The following CREB5 variants were observed in gnomAD, a reference collection of about 807,000 sequenced individuals.
CREB5 encodes the protein cyclic AMP-responsive element-binding protein 5.
In CREB5, 19 loss-of-function variants were observed where a neutral mutation model predicts 57.1. That is an observed-to-expected ratio of 0.33 (90% CI 0.23 to 0.49). The LOEUF (loss-of-function observed/expected upper bound fraction) is 0.49, where lower values mean the gene tolerates loss of function less well. CREB5 is among the 20% of genes least tolerant of loss of function. The probability of loss-of-function intolerance (pLI) is 0.99; values close to 1 mark genes in which losing one functional copy is unlikely to be tolerated. For missense variants in CREB5, 579 were observed against 671.6 expected, an observed-to-expected ratio of 0.86 and a Z score of 1.52; for synonymous variants, 238 against 238.3, an observed-to-expected ratio of 1.00 and a Z score of 0.01.
At chr7:28,684,366 T>A (rs1335485649) in intron 5 of CREB5, among the ~76,000 whole-genome samples, 4 of 152,224 alleles carry the variant, frequency 2.6e-5, no homozygotes, top group Non-Finnish European at 4.4e-5. Flanking sequence ...CACTCGGAGC[T>A]ACTGTGGCAT....
rs56273634 is a variant in CREB5, at chr7:28,299,324, C to T, written c.-142C>T. ...TTTTTAAGTTTGTCTTATTTTTGAT[C>T]TGATGAATCCAAGGAGTGGAGCAAG... On this transcript the variant is annotated 5_prime_UTR_variant, in exon 1 of 10. Transcript: ENST00000396299. 5.3e-5 allele frequency: 8 copies of T among 152,248 alleles called. No homozygotes were observed. The South Asian group carries it at 6.2e-4, about 12-fold the overall frequency. The allele number at this position is 152,248 out of a possible 1,614,324, so 9.4% of individuals were successfully genotyped here.
intron 1 of CREB5, among the ~76,000 whole-genome samples, chr7:28,420,130 C>T (rs1217225832): frequency 6.6e-6 from 1 of 150,970 alleles, no homozygotes; most frequent in Non-Finnish European, 1.5e-5. Context: ...GCTTTGGAAG[C>T]ACTTACAAAA....
At chr7:28,399,127 G>A (rs757059928) in intron 1 of CREB5, among the ~76,000 whole-genome samples, 31 of 152,124 alleles carry the variant, frequency 2.0e-4, no homozygotes, top group Non-Finnish European at 3.5e-4. Context: ...CAGGTAAGAT[G>A]TAACAGAGAG....
chr7:28,772,461 A>G (rs901375646), intron 7 of CREB5, among the ~76,000 whole-genome samples: 6 of 152,174 alleles, frequency 3.9e-5, no homozygotes, highest in Non-Finnish European at 7.4e-5. Context: ...TGTTTGTTTT[A>G]GGTGAAGCAG....
intron 4 of CREB5, among the ~76,000 whole-genome samples, chr7:28,544,574 GT>G (rs934596698): frequency 1.1e-4 from 16 of 151,920 alleles, no homozygotes; most frequent in African/African-American, 3.9e-4. Context: ...TTGCAATATG[GT>G]TTTTTTTAAG....
intron 1 of CREB5, among the ~76,000 whole-genome samples, chr7:28,358,442 G>C (rs1244993935): frequency 6.6e-6 from 1 of 152,184 alleles, no homozygotes. Context: ...TCAGCATCAG[G>C]ACCATTAGTG....
chr7:28,792,445 A>C (rs566323585), intron 7 of CREB5, among the ~76,000 whole-genome samples: 1 of 152,336 alleles, frequency 6.6e-6, no homozygotes, highest in African/African-American at 2.4e-5. Flanking sequence ...TTAACAATGT[A>C]GTTGAGAACC....
At chr7:28,556,111 T>C (rs1013400634) in intron 4 of CREB5, among the ~76,000 whole-genome samples, 1 of 152,104 alleles carries the variant, frequency 6.6e-6, no homozygotes, top group Non-Finnish European at 1.5e-5. Context: ...CTGTCTTAGG[T>C]AGAGAAATGC....
At chr7:28,792,728 G>C (rs1384939994) in intron 7 of CREB5, among the ~76,000 whole-genome samples, 1 of 152,186 alleles carries the variant, frequency 6.6e-6, no homozygotes, top group Non-Finnish European at 1.5e-5. Context: ...TGGCTTACCT[G>C]AAATACTGAA....
chr7:28,718,633 T>C, intron 5 of CREB5, 120 bp from the exon 6 acceptor site: 1 of 1,325,640 alleles, frequency 7.5e-7, no homozygotes, highest in Middle Eastern at 1.9e-4. Context: ...TATGTGACTC[T>C]CCCATCAGTG....
chr7:28,499,176 G>GAAAA (rs34378552), intron 3 of CREB5, among the ~76,000 whole-genome samples: 10 of 126,232 alleles, frequency 7.9e-5, no homozygotes, highest in Non-Finnish European at 1.3e-4. Flanking sequence ...TTCTGTGCAG[G>GAAAA]AAAAAAAAAA....
chr7:28,591,351 A>T (rs1796507678), intron 5 of CREB5, among the ~76,000 whole-genome samples: 1 of 152,146 alleles, frequency 6.6e-6, no homozygotes, highest in Non-Finnish European at 1.5e-5. Flanking sequence ...CCTCCATATT[A>T]AATCAGCCAC....
chr7:28,648,373 G>A (rs1161615483), intron 5 of CREB5, among the ~76,000 whole-genome samples: 1 of 152,150 alleles, frequency 6.6e-6, no homozygotes, highest in African/African-American at 2.4e-5. Context: ...ATAAATATGG[G>A]TGTAAGACAA....
At chr7:28,309,954 G>A (rs1785247083) in intron 1 of CREB5, among the ~76,000 whole-genome samples, 1 of 146,022 alleles carries the variant, frequency 6.8e-6, no homozygotes, top group African/African-American at 2.6e-5. Context: ...TCAAAACAAG[G>A]GCTAAGTGGG....
rs139217428 is a variant in CREB5 at position 28,596,355 on chromosome 7, C to A, written c.464+25818C>A. Among the ~76,000 whole-genome samples, 337 of 152,312 alleles carry A rather than the reference C, an allele frequency of 2.2e-3. 4 individuals carry two copies. Among genetic ancestry groups the A allele is most frequent in the African/African-American group, 7.0e-3 (289 of 41,572 alleles). On this transcript the variant is annotated intron_variant, in intron 5 of 10. Coordinates refer to ENST00000357727, the MANE Select transcript of CREB5 (RefSeq NM_182898.4). Reference sequence around the variant, plus strand: ...GCCAACTACCCTGGATATCTCAGAACTGAATTTCTTGCATTGCATTGCATT... The same window carrying A: ...GCCAACTACCCTGGATATCTCAGAAATGAATTTCTTGCATTGCATTGCATT...
chr7:28,392,358 T>C (rs906993412), intron 1 of CREB5, among the ~76,000 whole-genome samples: 3 of 152,216 alleles, frequency 2.0e-5, no homozygotes, highest in African/African-American at 7.2e-5. Context: ...GCTCTAAGCC[T>C]CAGCAGATCC....
chr7:28,739,544 G>T (rs1804219684), intron 7 of CREB5, among the ~76,000 whole-genome samples: 1 of 152,192 alleles, frequency 6.6e-6, no homozygotes, highest in African/African-American at 2.4e-5. Flanking sequence ...CAAGCTGCGG[G>T]TTTTGCAAAG....
chr7:28,631,130 A>T (rs373404277), intron 5 of CREB5, among the ~76,000 whole-genome samples: 7 of 152,166 alleles, frequency 4.6e-5, no homozygotes, highest in Non-Finnish European at 8.8e-5. Flanking sequence ...CTCTGAGTGT[A>T]TCTTGGTCAG....
At chr7:28,611,557 T>C (rs1449820195) in intron 5 of CREB5, among the ~76,000 whole-genome samples, 1 of 148,374 alleles carries the variant, frequency 6.7e-6, no homozygotes, top group Non-Finnish European at 1.5e-5. Context: ...TTCCTGTAAT[T>C]CCAGCTGCTC....
Sources: allele counts gnomAD v4.1 joint callset (sites outside exome capture counted in the v4.1 genomes callset), GRCh38; gene constraint gnomAD v4.1.1; transcripts MANE v1.5; gene names NCBI Gene and HGNC (gene_info 2026-07-23, HGNC 2026-07-21).